EDNRB: variants seen among roughly 807,000 people sequenced by gnomAD.
The protein encoded by EDNRB is Hirschsprung disease 2.
In EDNRB, 18 loss-of-function variants were observed where a neutral mutation model predicts 46.4. The observed-to-expected ratio is 0.39, with a 90% CI of 0.27 to 0.57. The LOEUF (loss-of-function observed/expected upper bound fraction) is 0.57. Ranked by LOEUF, EDNRB falls within the 20% of genes least tolerant of loss-of-function variation. The pLI is 0.61. For synonymous variants in EDNRB, 213 were observed against 204.9 expected, an observed-to-expected ratio of 1.04 and a Z score of -0.34; for missense variants, 434 against 537.5, an observed-to-expected ratio of 0.81 and a Z score of 1.90.
rs1177720076 is a variant in EDNRB, at chr13:77,899,769, A to C, written c.1194+90T>G. ...AAGGGAAACTATAAGATAATTTACT[A>C]AATCTGTCTGGATAGATATATTAGC... On this transcript the variant is annotated intron_variant, in intron 6 of 6. Transcript: ENST00000646607. 9.4e-6 allele frequency: 9 copies of C among 958,680 alleles called. No individual in the cohort carries two copies. In the East Asian group the frequency reaches 2.3e-4, roughly 24 times the overall value. 59.4% of individuals were successfully genotyped at this position (958,680 alleles called of 1,614,324 possible).
chr13:77,974,315 T>C (rs183901803), intron 1 of EDNRB, among the ~76,000 whole-genome samples: 2 of 152,204 alleles, frequency 1.3e-5, no homozygotes, highest in African/African-American at 4.8e-5. Context: ...TTATTATTAT[T>C]ATTTTACTTT....
chr13:77,933,050 G>C (rs548502436), intron 1 of EDNRB, among the ~76,000 whole-genome samples: 4 of 152,210 alleles, frequency 2.6e-5, no homozygotes, highest in Non-Finnish European at 4.4e-5. Context: ...ATATGTTGAT[G>C]ACATGGGCTA....
chr13:77,965,020 T>G (rs1337184860), intron 1 of EDNRB, among the ~76,000 whole-genome samples: 1 of 152,164 alleles, frequency 6.6e-6, no homozygotes, highest in African/African-American at 2.4e-5. Context: ...GTAAGCATCA[T>G]TTATACTGGT....
At chr13:77,927,401 G>C (rs1189317365) in intron 1 of EDNRB, among the ~76,000 whole-genome samples, 2 of 152,160 alleles carry the variant, frequency 1.3e-5, no homozygotes, top group Non-Finnish European at 2.9e-5. Flanking sequence ...CCCATCTGGG[G>C]GTGTGAGGTT....
intron 1 of EDNRB, among the ~76,000 whole-genome samples, chr13:77,962,308 C>G (rs1036819615): frequency 2.0e-5 from 3 of 152,122 alleles, no homozygotes; most frequent in African/African-American, 4.8e-5. Context: ...GATACCAAAG[C>G]CTGGCAGAGA....
chr13:77,898,271 AC>A lies in EDNRB; in HGVS notation c.1257del (p.Cys420AlafsTer2). The A allele has an allele frequency of 6.2e-7, 1 of 1,612,280 alleles. No homozygotes were observed. Among genetic ancestry groups the A allele is most frequent in the Non-Finnish European group, 8.5e-7 (1 of 1,178,910 alleles). On this transcript the variant is annotated frameshift_variant, in exon 7 of 7. Transcript: ENST00000646607. LOFTEE classifies it high-confidence loss of function. ...EEKQSLEEKQ[S>X]CLKFKANDHG... is the part of the protein sequence containing the mutation. Reference sequence around the variant, plus strand: ...TGATCATTAGCTTTGAACTTTAAGCACGACTGCTTTTCCTCCAAGGACTGTT... The same window carrying A: ...TGATCATTAGCTTTGAACTTTAAGCAGACTGCTTTTCCTCCAAGGACTGTT...
intron 1 of EDNRB, among the ~76,000 whole-genome samples, chr13:77,944,556 C>T (rs756050696): frequency 9.2e-5 from 14 of 152,002 alleles, no homozygotes; most frequent in African/African-American, 3.1e-4. Flanking sequence ...AATAGGTGCA[C>T]ATAAATTCCA....
intron 1 of EDNRB, among the ~76,000 whole-genome samples, chr13:77,917,444 CT>C (rs1315735472): frequency 1.3e-5 from 2 of 152,234 alleles, no homozygotes; most frequent in African/African-American, 4.8e-5. Context: ...TAAATACCTA[CT>C]TTGTACCTGC....
intron 1 of EDNRB, among the ~76,000 whole-genome samples, chr13:77,964,170 G>A (rs561122105): frequency 3.9e-5 from 6 of 152,208 alleles, no homozygotes; most frequent in Non-Finnish European, 8.8e-5. Flanking sequence ...TACATTGTTG[G>A]TGGGGCTGTA....
chr13:77,930,093 G>T (rs1209462068), intron 1 of EDNRB, among the ~76,000 whole-genome samples: 2 of 152,124 alleles, frequency 1.3e-5, no homozygotes, highest in Non-Finnish European at 2.9e-5. Flanking sequence ...TGGCATTGGT[G>T]GTTATGTTGG....
chr13:77,958,397 C>T (rs965254375), intron 1 of EDNRB, among the ~76,000 whole-genome samples: 24 of 150,390 alleles, frequency 1.6e-4, no homozygotes, highest in African/African-American at 3.9e-4. Context: ...TATTTTGAGA[C>T]GGAGTCTCGC....
At chr13:77,963,909 C>G (rs1352293379) in intron 1 of EDNRB, among the ~76,000 whole-genome samples, 1 of 152,026 alleles carries the variant, frequency 6.6e-6, no homozygotes, top group Non-Finnish European at 1.5e-5. Flanking sequence ...ACAATGAACT[C>G]AAACAAATTT....
In EDNRB at chr13:77,938,390, GAAA is replaced by G. The variant is rs1880631737; in HGVS notation, c.-51-19769_-51-19767del. ...AGGGATTGGGGGGTTCTTGCCCCCA[GAAA>G]AGCAGAGAAGGGGTAGAGACACAGA... is the stretch of plus-strand genomic sequence containing the variant. On this transcript the variant is annotated intron_variant, in intron 1 of 7. Transcript: ENST00000646948. Among the ~76,000 whole-genome samples, 5 of 151,462 alleles carry G rather than the reference GAAA, an allele frequency of 3.3e-5. No homozygotes were observed. In the South Asian group the frequency reaches 8.4e-4, roughly 25 times the overall value.
chr13:77,958,465 C>G (rs2329052), intron 1 of EDNRB, among the ~76,000 whole-genome samples: 1 of 152,042 alleles, frequency 6.6e-6, no homozygotes, highest in Non-Finnish European at 1.5e-5. Flanking sequence ...CTCCGCCTCC[C>G]GGGTTCATGC....
At chr13:77,941,086 G>T (rs776609175) in intron 1 of EDNRB, among the ~76,000 whole-genome samples, 1 of 152,224 alleles carries the variant, frequency 6.6e-6, no homozygotes, top group Non-Finnish European at 1.5e-5. Flanking sequence ...ATGTGAGCCT[G>T]AAGCTCATAA....
intron 1 of EDNRB, among the ~76,000 whole-genome samples, chr13:77,960,903 G>A (rs1280357998): frequency 6.7e-6 from 1 of 148,636 alleles, no homozygotes; most frequent in Non-Finnish European, 1.5e-5. Context: ...CCTAGTCTCT[G>A]ATAAAACAGA....
chr13:77,947,656 A>G (rs1880968617), intron 1 of EDNRB: 1 of 152,018 alleles, frequency 6.6e-6, no homozygotes, highest in East Asian at 1.9e-4. Context: ...TGCCAAACTT[A>G]GTGTAGACAC....
intron 1 of EDNRB, among the ~76,000 whole-genome samples, chr13:77,974,009 T>C (rs1436640465): frequency 1.3e-5 from 2 of 151,902 alleles, no homozygotes; most frequent in African/African-American, 4.8e-5. Flanking sequence ...GACTAGACTG[T>C]CTAAGGCCGC....
At chr13:77,908,758 T>A (rs1482891094) in intron 1 of EDNRB, among the ~76,000 whole-genome samples, 5 of 151,960 alleles carry the variant, frequency 3.3e-5, no homozygotes, top group African/African-American at 7.2e-5. Context: ...GTGAAGACAA[T>A]TCAAACATGT....
Sources: allele counts gnomAD v4.1 joint callset (sites outside exome capture counted in the v4.1 genomes callset), GRCh38; gene constraint gnomAD v4.1.1; transcripts MANE v1.5; gene names NCBI Gene and HGNC (gene_info 2026-07-23, HGNC 2026-07-21).